The following SGPP2 variants were observed in gnomAD, a reference collection of about 807,000 sequenced individuals.
SGPP2 encodes the protein sphingosine-1-phosphate phosphatase 2, also known as sphingosine 1-phosphate phosphohydrolase 2.
SGPP2 carries 30 observed loss-of-function variants against 33.9 expected under a neutral mutation model. The ratio of observed to expected loss-of-function variants is 0.89; its 90% CI spans 0.66 to 1.20. The LOEUF (loss-of-function observed/expected upper bound fraction) is 1.20, where lower values mean the gene tolerates loss of function less well. SGPP2 is among the 50% of genes most tolerant of loss of function. SGPP2 has a pLI of 0.00. For missense variants in SGPP2, 458 were observed against 532.1 expected (o/e 0.86, Z 1.37); for synonymous variants, 233 against 225.0 (o/e 1.04, Z -0.32).
intron 1 of SGPP2, among the ~76,000 whole-genome samples, chr2:222,445,079 A>G (rs1028320340): frequency 1.3e-5 from 2 of 152,172 alleles, no homozygotes; most frequent in African/African-American, 4.8e-5. Context: ...AGTTATGAGA[A>G]TAAGGCCACT....
chr2:222,527,857 A>G (rs1357699359), intron 4 of SGPP2, among the ~76,000 whole-genome samples: 1 of 152,218 alleles, frequency 6.6e-6, no homozygotes, highest in East Asian at 1.9e-4. Flanking sequence ...ATTATGGATT[A>G]GTTGCCTTTA....
intron 2 of SGPP2, among the ~76,000 whole-genome samples, chr2:222,507,626 T>C (rs1266278005): frequency 6.6e-6 from 1 of 152,176 alleles, no homozygotes; most frequent in East Asian, 1.9e-4. Flanking sequence ...AGTAAATTTT[T>C]GTTATTTGTT....
At chr2:222,499,322 G>A (rs1698330731) in intron 2 of SGPP2, among the ~76,000 whole-genome samples, 1 of 152,242 alleles carries the variant, frequency 6.6e-6, no homozygotes, top group Non-Finnish European at 1.5e-5. Flanking sequence ...TAATGGAGCA[G>A]AGTTAATCAC....
intron 2 of SGPP2, among the ~76,000 whole-genome samples, chr2:222,496,151 TAATA>T (rs1414152062): frequency 6.6e-6 from 1 of 152,226 alleles, no homozygotes; most frequent in African/African-American, 2.4e-5. Flanking sequence ...TTGACAAAGA[TAATA>T]AATAAATAAA....
rs371184066 is a variant in SGPP2, at chr2:222,486,103, T to G, written c.378+11377T>G. On this transcript the variant is annotated intron_variant, in intron 2 of 4. Coordinates refer to ENST00000321276, the MANE Select transcript of SGPP2 (RefSeq NM_152386.4). ...TGTGGGTTTGGCTGCCACAAGATGC[T>G]TCTCAGGCTCTTTTGGTGTAGTGGC... Among the ~76,000 whole-genome samples, 24 of 152,312 alleles carry G rather than the reference T, an allele frequency of 1.6e-4. No individual in the cohort carries two copies. In the South Asian group the frequency reaches 5.0e-3, roughly 32 times the overall value.
chr2:222,511,979 G>A (rs905961272), intron 2 of SGPP2, among the ~76,000 whole-genome samples: 3 of 150,626 alleles, frequency 2.0e-5, no homozygotes, highest in East Asian at 2.0e-4. Context: ...TGCCTGGCCC[G>A]CCACAGTGGC....
rs549591457 is a variant in SGPP2 at position 222,465,918 on chromosome 2, G to A, written c.220-8650G>A. Among the ~76,000 whole-genome samples, 7 of 152,218 alleles carry A rather than the reference G, an allele frequency of 4.6e-5. No homozygotes were observed. The highest frequency in any genetic ancestry group is 9.6e-5 in the African/African-American group (4 of 41,524). On this transcript the variant is annotated intron_variant, in intron 1 of 4. Transcript: ENST00000321276. This position sits in a 1 kb window ranked among gnomAD's most constrained non-coding sequence, Gnocchi z 4.1. Reference sequence around the variant, plus strand: ...GGCTCAGCTCAAATGGCTCCTCTGTGGCAAGCATCCCCAGACACACATTGA... The same window carrying A: ...GGCTCAGCTCAAATGGCTCCTCTGTAGCAAGCATCCCCAGACACACATTGA...
chr2:222,484,029 A>G (rs1698067713), intron 2 of SGPP2, among the ~76,000 whole-genome samples: 1 of 152,182 alleles, frequency 6.6e-6, no homozygotes, highest in Admixed American at 6.5e-5. Flanking sequence ...AATATTAAGT[A>G]AATGTCTCTA....
At chr2:222,446,588 A>G (rs1212742010) in intron 1 of SGPP2, among the ~76,000 whole-genome samples, 1 of 152,210 alleles carries the variant, frequency 6.6e-6, no homozygotes, top group African/African-American at 2.4e-5. Flanking sequence ...TTTGTTCCAC[A>G]TCAATAAACA....
intron 4 of SGPP2, among the ~76,000 whole-genome samples, chr2:222,537,639 G>C (rs1457775719): frequency 2.0e-5 from 3 of 152,192 alleles, no homozygotes; most frequent in Non-Finnish European, 4.4e-5. Flanking sequence ...AATGCAATAT[G>C]TATCAAAAGT....
rs1697936673 is a variant in SGPP2 at position 222,476,627 on chromosome 2, T to C, written c.378+1901T>C. Among the ~76,000 whole-genome samples, 1 of 152,062 alleles carries C rather than the reference T, an allele frequency of 6.6e-6. No homozygotes were observed. The highest frequency in any genetic ancestry group is 1.5e-5 in the Non-Finnish European group (1 of 67,992). On this transcript the variant is annotated intron_variant, in intron 2 of 4. Coordinates refer to ENST00000321276, the MANE Select transcript of SGPP2 (RefSeq NM_152386.4). This position sits in a 1 kb window ranked among gnomAD's most constrained non-coding sequence, Gnocchi z 4.3. ...TTCTGTTCTTAACATCTGAAAACCC[T>C]TGGAAAACCTATGGGCTTGAGTTTC...
intron 2 of SGPP2, among the ~76,000 whole-genome samples, chr2:222,494,934 A>G (rs561761001): frequency 1.3e-5 from 2 of 152,322 alleles, no homozygotes; most frequent in South Asian, 4.1e-4. Context: ...AGAGTTGCTG[A>G]GGCAGGAGAA....
At position 222,558,804 on chromosome 2, in the gene SGPP2, T is replaced by C; in HGVS notation, c.1106T>C (p.Ile369Thr). Residue 369 changes from isoleucine (I) to threonine (T), a missense_variant, in exon 5 of 5, where the codon ATT becomes ACT. Coordinates refer to ENST00000321276, the MANE Select transcript of SGPP2 (RefSeq NM_152386.4). ...AAGGAGGCCAGGCGGAGACTGGAGATTGAAGTGCCTTACAAGTTTGTTACC... is the reference window on the plus strand; with the variant it reads ...AAGGAGGCCAGGCGGAGACTGGAGACTGAAGTGCCTTACAAGTTTGTTACC... ...RNKEARRRLE[I>T]EVPYKFVTYT... The C allele has an allele frequency of 5.6e-6, 9 of 1,614,152 alleles. No homozygotes were observed. The highest frequency in any genetic ancestry group is 7.6e-6 in the Non-Finnish European group (9 of 1,180,028).
At chr2:222,505,408 A>G (rs1242321701) in intron 2 of SGPP2, among the ~76,000 whole-genome samples, 1 of 152,228 alleles carries the variant, frequency 6.6e-6, no homozygotes, top group Non-Finnish European at 1.5e-5. Flanking sequence ...TTTAAACAAC[A>G]TGGGTTAAAT....
chr2:222,499,935 C>T (rs943168747), intron 2 of SGPP2, among the ~76,000 whole-genome samples: 7 of 152,144 alleles, frequency 4.6e-5, no homozygotes, highest in African/African-American at 7.2e-5. Context: ...GAACTTACAA[C>T]GTTAAGTTCT....
At chr2:222,495,979 T>C (rs1284578623) in intron 2 of SGPP2, among the ~76,000 whole-genome samples, 1 of 152,198 alleles carries the variant, frequency 6.6e-6, no homozygotes, top group Non-Finnish European at 1.5e-5. Flanking sequence ...CTCCTGAGCC[T>C]TGTTCATTCT....
chr2:222,450,176 C>G (rs760099901), intron 1 of SGPP2, among the ~76,000 whole-genome samples: 10 of 152,220 alleles, frequency 6.6e-5, no homozygotes, highest in Non-Finnish European at 1.3e-4. Flanking sequence ...AGAAAGCACT[C>G]ACTAACTGTT....
At position 222,489,828 on chromosome 2, in the gene SGPP2, C is replaced by T. The variant is rs192672329; in HGVS notation, c.378+15102C>T. 4.1e-3 allele frequency among the ~76,000 whole-genome samples: 618 copies of T among 151,394 alleles called. 1 individual carries two copies. Among genetic ancestry groups the T allele is most frequent in the African/African-American group, 0.014 (584 of 41,262 alleles). On this transcript the variant is annotated intron_variant, in intron 2 of 4. Coordinates refer to ENST00000321276, the MANE Select transcript of SGPP2 (RefSeq NM_152386.4). ...TAAAAATACAAAATTAGCCAGGCAT[C>T]GTGGCGCATGCCTGTAATCCCAGCT...
At chr2:222,441,767 A>T (rs960685456) in intron 1 of SGPP2, among the ~76,000 whole-genome samples, 2 of 152,196 alleles carry the variant, frequency 1.3e-5, no homozygotes, top group Non-Finnish European at 2.9e-5. Context: ...CTTTTGAGGA[A>T]TATTAGTTAC....
Sources: allele counts gnomAD v4.1 joint callset (sites outside exome capture counted in the v4.1 genomes callset), GRCh38; gene constraint gnomAD v4.1.1; non-coding constraint Gnocchi (gnomAD v3.1); transcripts MANE v1.5; gene names NCBI Gene and HGNC (gene_info 2026-07-23, HGNC 2026-07-21).